The following PAPPA2 variants were observed in gnomAD, a reference collection of about 807,000 sequenced individuals.
PAPPA2 encodes pappalysin 2, also known as pappalysin-2.
PAPPA2 carries 86 observed loss-of-function variants against 176.4 expected under a neutral mutation model. That is an observed-to-expected ratio of 0.49 (90% CI 0.41 to 0.58). The LOEUF is 0.58. Ranked by LOEUF, PAPPA2 falls within the 20% of genes least tolerant of loss-of-function variation. The pLI is 0.00. For missense variants in PAPPA2, 2,073 were observed against 2,256.9 expected (o/e 0.92, Z 1.65); for synonymous variants, 809 against 852.2 (o/e 0.95, Z 0.88).
intron 10 of PAPPA2, among the ~76,000 whole-genome samples, chr1:176,707,888 G>A (rs961232818): frequency 6.6e-6 from 1 of 152,072 alleles, no homozygotes; most frequent in African/African-American, 2.4e-5. Context: ...ATCCCCTCAT[G>A]TGATTAGGTT....
At chr1:176,691,389 G>T (rs767023044) in intron 5 of PAPPA2, among the ~76,000 whole-genome samples, 1 of 152,104 alleles carries the variant, frequency 6.6e-6, no homozygotes. Context: ...GTTTCATTGC[G>T]GTGAATAATT....
chr1:176,697,131 G>GA (rs923160868), intron 7 of PAPPA2, among the ~76,000 whole-genome samples: 53 of 152,184 alleles, frequency 3.5e-4, no homozygotes, highest in Middle Eastern at 3.4e-3. Context: ...TTTCTAGGGG[G>GA]AAAAATCAGT....
chr1:176,739,605 C>T (rs1238955127), intron 12 of PAPPA2, 21 bp from the exon 13 acceptor site: 2 of 1,606,074 alleles, frequency 1.2e-6, no homozygotes, highest in Non-Finnish European at 1.7e-6. Context: ...ATGACTTATA[C>T]ATAAATGTGC....
intron 1 of PAPPA2, among the ~76,000 whole-genome samples, chr1:176,546,462 C>A (rs899496104): frequency 2.6e-5 from 4 of 151,072 alleles, no homozygotes; most frequent in African/African-American, 7.3e-5. Flanking sequence ...TTCTATTAGT[C>A]AAAAAAAATA....
chr1:176,763,344 C>G (rs1037891803), intron 14 of PAPPA2, among the ~76,000 whole-genome samples: 1 of 152,162 alleles, frequency 6.6e-6, no homozygotes, highest in Admixed American at 6.5e-5. Context: ...GTTCTTATAC[C>G]ACTGGTACTC....
chr1:176,672,594 TTG>T (rs766970965), intron 4 of PAPPA2, among the ~76,000 whole-genome samples: 4 of 151,316 alleles, frequency 2.6e-5, no homozygotes, highest in Non-Finnish European at 5.9e-5. Context: ...AAAGAAAAGA[TTG>T]CTGTTCAATG....
chr1:176,692,601 A>T (rs1316634354), intron 6 of PAPPA2, among the ~76,000 whole-genome samples: 2 of 152,224 alleles, frequency 1.3e-5, no homozygotes, highest in African/African-American at 4.8e-5. Flanking sequence ...CGGAGAGGGC[A>T]TCTGCCATTT....
At chr1:176,797,785 G>C (rs1045427033) in intron 20 of PAPPA2, among the ~76,000 whole-genome samples, 1 of 152,112 alleles carries the variant, frequency 6.6e-6, no homozygotes, top group Non-Finnish European at 1.5e-5. Flanking sequence ...TGCTCCCATA[G>C]AATTGAGTCT....
At chr1:176,484,760 T>G (rs1286131235) in intron 1 of PAPPA2, among the ~76,000 whole-genome samples, 4 of 152,344 alleles carry the variant, frequency 2.6e-5, no homozygotes. Flanking sequence ...GCATGTCATC[T>G]GTTTTATCCA....
chr1:176,619,263 T>A (rs1655448564), intron 3 of PAPPA2, among the ~76,000 whole-genome samples: 2 of 152,228 alleles, frequency 1.3e-5, no homozygotes, highest in South Asian at 4.1e-4. Context: ...GAAGTTAAAT[T>A]GTTTCAGTAA....
intron 1 of PAPPA2, among the ~76,000 whole-genome samples, chr1:176,546,026 G>T (rs559270967): frequency 1.3e-5 from 2 of 152,282 alleles, no homozygotes; most frequent in Non-Finnish European, 1.5e-5. Context: ...TATGGCATTT[G>T]TTCCTGGAAT....
At chr1:176,725,206 TATTC>T (rs912080571) in intron 12 of PAPPA2, among the ~76,000 whole-genome samples, 5 of 152,256 alleles carry the variant, frequency 3.3e-5, no homozygotes, top group Non-Finnish European at 5.9e-5. Context: ...ATTTTCATAT[TATTC>T]ATGTTTAAAG....
chr1:176,729,441 A>G (rs545305390), intron 12 of PAPPA2, among the ~76,000 whole-genome samples: 1 of 152,122 alleles, frequency 6.6e-6, no homozygotes, highest in African/African-American at 2.4e-5. Flanking sequence ...CCACTTCCTT[A>G]TACGTCTTTT....
At chr1:176,796,540 C>T (rs1177525363) in intron 20 of PAPPA2, among the ~76,000 whole-genome samples, 7 of 152,120 alleles carry the variant, frequency 4.6e-5, no homozygotes, top group Non-Finnish European at 7.4e-5. Context: ...AACCAGGCAA[C>T]GGCCTTCATG....
chr1:176,744,269 C>A (rs1244911964), intron 14 of PAPPA2, among the ~76,000 whole-genome samples: 1 of 152,134 alleles, frequency 6.6e-6, no homozygotes, highest in Non-Finnish European at 1.5e-5. Context: ...TCCCTGCCTT[C>A]CTTTTGTTTG....
chr1:176,827,956 AC>A (rs1370601517), intron 21 of PAPPA2, among the ~76,000 whole-genome samples: 2 of 152,086 alleles, frequency 1.3e-5, no homozygotes, highest in African/African-American at 4.8e-5. Context: ...GCTATCTGTG[AC>A]ATTGACTTTT....
At chr1:176,646,555 A>G (rs568098758) in intron 3 of PAPPA2, among the ~76,000 whole-genome samples, 2 of 146,038 alleles carry the variant, frequency 1.4e-5, no homozygotes, top group African/African-American at 5.0e-5. Context: ...CCCCCACCTG[A>G]CCCCCACTAT....
At chr1:176,510,252 A>T (rs1037927399) in intron 1 of PAPPA2, among the ~76,000 whole-genome samples, 1 of 152,188 alleles carries the variant, frequency 6.6e-6, no homozygotes, top group Non-Finnish European at 1.5e-5. Context: ...AGGGGTGGGG[A>T]ACATGTTATG....
At chr1:176,679,186 G>T (rs1163548888) in intron 4 of PAPPA2, among the ~76,000 whole-genome samples, 2 of 152,112 alleles carry the variant, frequency 1.3e-5, no homozygotes, top group Non-Finnish European at 2.9e-5. Context: ...TTGTTCTTCT[G>T]ACGTTCCCTG....
Sources: gnomAD v4.1 joint callset for allele counts (sites outside exome capture counted in the v4.1 genomes callset) on GRCh38, gnomAD v4.1.1 for gene constraint, MANE v1.5 for transcripts, NCBI Gene and HGNC (gene_info 2026-07-23, HGNC 2026-07-21) for gene names.